Variants in F13A1 observed in about 807,000 individuals in gnomAD.
F13A1 encodes the protein coagulation factor XIII A chain.
F13A1 carries 47 observed loss-of-function variants against 80.1 expected under a neutral mutation model. That is an observed-to-expected ratio of 0.59 (90% CI 0.46 to 0.75). The LOEUF is 0.75. Among genes scored for constraint, F13A1 ranks in the 30% least tolerant of loss-of-function variants. The probability of loss-of-function intolerance (pLI) is 0.00; values close to 1 mark genes in which losing one functional copy is unlikely to be tolerated. For synonymous variants in F13A1, 349 were observed against 344.9 expected (o/e 1.01, Z -0.13); for missense variants, 817 against 930.4 (o/e 0.88, Z 1.59).
In F13A1 at chr6:6,145,539, G is replaced by A. The variant is rs1583041027; in HGVS notation, c.*80C>T. ...GGTCTTCACACCTAAGTCAAAGCAAGAGCTATTTTTGCGTTAGAATTTCCT... is the reference window on the plus strand; with the variant it reads ...GGTCTTCACACCTAAGTCAAAGCAAAAGCTATTTTTGCGTTAGAATTTCCT... On this transcript the variant is annotated 3_prime_UTR_variant, in exon 15 of 15. Transcript: ENST00000264870. 1 of 1,584,824 alleles carries A rather than the reference G, an allele frequency of 6.3e-7. No individual in the cohort carries two copies. Among genetic ancestry groups the A allele is most frequent in the African/African-American group, 1.3e-5 (1 of 74,496 alleles).
intron 5 of F13A1, among the ~76,000 whole-genome samples, chr6:6,248,909 A>T (rs1332337765): frequency 6.6e-6 from 1 of 152,176 alleles, no homozygotes; most frequent in African/African-American, 2.4e-5. Flanking sequence ...ATAGTAGGAG[A>T]CCTCATATAG....
rs62408008 is a variant in F13A1 at position 6,191,139 on chromosome 6, A to T, written c.1305+4658T>A. On this transcript the variant is annotated intron_variant, in intron 10 of 14. Coordinates refer to ENST00000264870, the MANE Select transcript of F13A1 (RefSeq NM_000129.4). ...GCCCACTGTCTGGCACTCCCTAGTG[A>T]GATGAACCCGGTACCTCAGATGGAA... Among the ~76,000 whole-genome samples the T allele has an allele frequency of 2.3e-3, 294 of 130,184 alleles. 1 individual carries two copies. Among genetic ancestry groups the T allele is most frequent in the African/African-American group, 8.0e-3 (285 of 35,516 alleles). The allele number at this position is 130,184 out of a possible 152,430, so 85.4% of individuals were successfully genotyped here.
chr6:6,233,384 C>T (rs2113077020), intron 6 of F13A1, among the ~76,000 whole-genome samples: 1 of 152,190 alleles, frequency 6.6e-6, no homozygotes, highest in East Asian at 1.9e-4. Flanking sequence ...TACAACCCTC[C>T]TAGCTTAAGT....
At chr6:6,298,685 G>C (rs943578870) in intron 3 of F13A1, among the ~76,000 whole-genome samples, 1 of 149,670 alleles carries the variant, frequency 6.7e-6, no homozygotes, top group Admixed American at 6.6e-5. Flanking sequence ...ACACTGATGG[G>C]TCTTGACTCT....
chr6:6,252,053 TA>T (rs899218923), intron 4 of F13A1, among the ~76,000 whole-genome samples: 11 of 151,294 alleles, frequency 7.3e-5, no homozygotes, highest in African/African-American at 1.9e-4. Flanking sequence ...CCACAGTGGT[TA>T]AAAAAAAATC....
intron 13 of F13A1, 55 bp downstream of exon 13, chr6:6,167,403 A>T (rs1433169048): frequency 1.3e-6 from 2 of 1,587,314 alleles, no homozygotes; most frequent in Admixed American, 3.4e-5. Context: ...TGCACACATG[A>T]ACACTAAGTC....
intron 2 of F13A1, among the ~76,000 whole-genome samples, chr6:6,306,527 C>T (rs373637053): frequency 2.0e-4 from 30 of 152,218 alleles, no homozygotes; most frequent in African/African-American, 7.0e-4. Context: ...TGCCCTTTTC[C>T]CCTTCCCCTC....
chr6:6,263,320 A>G (rs948692233), intron 4 of F13A1, among the ~76,000 whole-genome samples: 1 of 152,208 alleles, frequency 6.6e-6, no homozygotes, highest in Non-Finnish European at 1.5e-5. Context: ...ATCATCGAAG[A>G]CATCCATATT....
chr6:6,290,539 T>C (rs376423776), intron 3 of F13A1, among the ~76,000 whole-genome samples: 1 of 152,220 alleles, frequency 6.6e-6, no homozygotes, highest in East Asian at 1.9e-4. Context: ...TGTCTACTCA[T>C]AGCCTTTTAT....
At chr6:6,270,055 G>T (rs1757900750) in intron 3 of F13A1, among the ~76,000 whole-genome samples, 1 of 152,140 alleles carries the variant, frequency 6.6e-6, no homozygotes, top group Non-Finnish European at 1.5e-5. Flanking sequence ...CAGTTATGTT[G>T]ATTTGCTTGT....
chr6:6,243,196 C>CCATCACTCCTACCAT lies in F13A1; in HGVS notation c.798+5101_798+5115dup, dbSNP rs1469638476. The stretch of plus-strand genomic sequence containing the variant: ...ACCACTACCACCATCACTCCCACCA[C>CCATCACTCCTACCAT]CATCACTCCTACCATCACCACCACC... On this transcript the variant is annotated intron_variant, in intron 6 of 14. Coordinates refer to ENST00000264870, the MANE Select transcript of F13A1 (RefSeq NM_000129.4). The surrounding 1 kb of genome is among the most constrained non-coding windows in gnomAD (Gnocchi z 4.2). Among the ~76,000 whole-genome samples, 1 of 150,290 alleles carries CCATCACTCCTACCAT rather than the reference C, an allele frequency of 6.7e-6. No homozygotes were observed. The highest frequency in any genetic ancestry group is 1.5e-5 in the Non-Finnish European group (1 of 67,366).
intron 8 of F13A1, among the ~76,000 whole-genome samples, chr6:6,216,068 C>G (rs9504718): frequency 1.4e-4 from 21 of 146,416 alleles, no homozygotes; most frequent in African/African-American, 4.3e-4. Flanking sequence ...GCATGGGTAG[C>G]AAGAATCAAT....
intron 3 of F13A1, among the ~76,000 whole-genome samples, chr6:6,268,969 G>C (rs543812411): frequency 1.3e-5 from 2 of 151,866 alleles, no homozygotes; most frequent in Non-Finnish European, 2.9e-5. Context: ...GGGATTACAG[G>C]TGTGAGCCAC....
chr6:6,252,812 T>A (rs1757651425), intron 4 of F13A1, among the ~76,000 whole-genome samples: 1 of 152,010 alleles, frequency 6.6e-6, no homozygotes, highest in African/African-American at 2.4e-5. Flanking sequence ...TACTCAGAAG[T>A]TTTGGAACTT....
chr6:6,265,940 G>A (rs974785925), intron 4 of F13A1, among the ~76,000 whole-genome samples: 1 of 152,188 alleles, frequency 6.6e-6, no homozygotes, highest in East Asian at 1.9e-4. Context: ...TTAGGTTGGT[G>A]AGGTTGGTGC....
Position 6,145,656 on chromosome 6 carries a change from T to G in F13A1, c.2162A>C (p.Glu721Ala), listed in dbSNP as rs1760263845. 1 of 1,614,066 alleles carries G rather than the reference T, an allele frequency of 6.2e-7. No homozygotes were observed. Among genetic ancestry groups the G allele is most frequent in the Admixed American group, 1.7e-5 (1 of 60,010 alleles). The stretch of plus-strand genomic sequence containing the variant: ...TCGTCTTTGAATCTGCACGTCCAGC[T>G]CGCCATACACATGTCTCAGGGAGTC... ...SSDSLRHVYG[E>A]LDVQIQRRPS... The change falls in exon 15 of 15, where the codon GAG (glutamate) becomes GCG (alanine). Residue 721 changes from glutamate to alanine, a missense_variant. Physicochemically the swap from Glu to Ala is moderately radical, Grantham distance 107 (BLOSUM62 -1). Transcript: ENST00000264870.
intron 11 of F13A1, among the ~76,000 whole-genome samples, chr6:6,181,454 A>T (rs1760984780): frequency 6.6e-6 from 1 of 152,186 alleles, no homozygotes; most frequent in Non-Finnish European, 1.5e-5. Context: ...ACCCACCATG[A>T]CATTATTTTG....
At chr6:6,230,573 C>G (rs1037188329) in intron 6 of F13A1, among the ~76,000 whole-genome samples, 2 of 152,152 alleles carry the variant, frequency 1.3e-5, no homozygotes, top group African/African-American at 4.8e-5. Flanking sequence ...ACCACTGGTT[C>G]CTCCCCATAC....
chr6:6,145,552 G>C lies in F13A1; in HGVS notation c.*67C>G. ...AAGTCAAAGCAAGAGCTATTTTTGC[G>C]TTAGAATTTCCTTAGCCAAGACTAC... On this transcript the variant is annotated 3_prime_UTR_variant, in exon 15 of 15. Coordinates refer to ENST00000264870, the MANE Select transcript of F13A1 (RefSeq NM_000129.4). 1 of 1,604,882 alleles carries C rather than the reference G, an allele frequency of 6.2e-7. No individual in the cohort carries two copies. Among genetic ancestry groups the C allele is most frequent in the Non-Finnish European group, 8.5e-7 (1 of 1,171,826 alleles).
Sources: allele counts gnomAD v4.1 joint callset (sites outside exome capture counted in the v4.1 genomes callset), GRCh38; gene constraint gnomAD v4.1.1; non-coding constraint Gnocchi (gnomAD v3.1); transcripts MANE v1.5; gene names NCBI Gene and HGNC (gene_info 2026-07-23, HGNC 2026-07-21).